Variants in ZPLD1 observed in about 807,000 individuals in gnomAD.
ZPLD1 encodes zona pellucida-like domain-containing protein 1.
A neutral mutation model predicts 47.2 loss-of-function variants in ZPLD1; 34 were observed. The observed-to-expected ratio is 0.72, with a 90% CI of 0.55 to 0.96. The LOEUF (loss-of-function observed/expected upper bound fraction) is 0.96. Among genes scored for constraint, ZPLD1 ranks in the 40% least tolerant of loss-of-function variants. The probability of loss-of-function intolerance (pLI) is 0.00; values close to 1 mark genes in which losing one functional copy is unlikely to be tolerated. For synonymous variants in ZPLD1, 176 were observed against 186.2 expected (o/e 0.95, Z 0.45); for missense variants, 512 against 505.8 (o/e 1.01, Z -0.12).
chr3:102,449,233 C>T (rs1037295605), intron 3 of ZPLD1, among the ~76,000 whole-genome samples: 35 of 152,172 alleles, frequency 2.3e-4, no homozygotes, highest in Non-Finnish European at 1.5e-5. Flanking sequence ...GAGCTAATGC[C>T]ATCTTCTCCA....
chr3:102,468,730 A>G (rs951381619), intron 8 of ZPLD1, among the ~76,000 whole-genome samples: 1 of 152,212 alleles, frequency 6.6e-6, no homozygotes, highest in Non-Finnish European at 1.5e-5. Flanking sequence ...TGAAAGTATA[A>G]TTCTTCTAAC....
At chr3:102,441,320 T>G (rs1440906253) in intron 3 of ZPLD1, among the ~76,000 whole-genome samples, 1 of 152,190 alleles carries the variant, frequency 6.6e-6, no homozygotes, top group East Asian at 1.9e-4. Flanking sequence ...TACAATGGCA[T>G]CTACTGACCA....
At chr3:102,450,295 C>T (rs907841105) in intron 3 of ZPLD1, among the ~76,000 whole-genome samples, 9 of 152,164 alleles carry the variant, frequency 5.9e-5, no homozygotes, top group Admixed American at 2.0e-4. Context: ...CTTCAGGGTA[C>T]TGCTTGAAAT....
chr3:102,474,468 T>C (rs989904607), intron 10 of ZPLD1, among the ~76,000 whole-genome samples: 12 of 152,154 alleles, frequency 7.9e-5, no homozygotes, highest in African/African-American at 2.9e-4. Context: ...ACAGACTTTG[T>C]CCTCAGGGAT....
At chr3:102,447,134 C>T (rs988132569) in intron 3 of ZPLD1, among the ~76,000 whole-genome samples, 9 of 152,076 alleles carry the variant, frequency 5.9e-5, no homozygotes, top group Admixed American at 3.9e-4. Flanking sequence ...GGCACACTCT[C>T]GGCTCACTGC....
At chr3:102,420,554 C>T (rs911038471) in intron 8 of ZPLD1, among the ~76,000 whole-genome samples, 3 of 151,824 alleles carry the variant, frequency 2.0e-5, no homozygotes, top group African/African-American at 7.2e-5. Flanking sequence ...AGATACTATA[C>T]TTTGAATTTC....
At chr3:102,442,377 A>G (rs1707194214) in intron 3 of ZPLD1, among the ~76,000 whole-genome samples, 1 of 151,622 alleles carries the variant, frequency 6.6e-6, no homozygotes, top group Admixed American at 6.6e-5. Flanking sequence ...TACAATTTTA[A>G]AATTTGTATT....
intron 10 of ZPLD1, among the ~76,000 whole-genome samples, chr3:102,472,789 C>T (rs1707704783): frequency 6.6e-6 from 1 of 152,200 alleles, no homozygotes; most frequent in Admixed American, 6.5e-5. Context: ...GGCTTTTCCT[C>T]CTTAATTACC....
chr3:102,395,007 G>A (rs111388903), intron 7 of ZPLD1, among the ~76,000 whole-genome samples: 6 of 152,258 alleles, frequency 3.9e-5, no homozygotes, highest in African/African-American at 1.4e-4. Context: ...TAGAAACTGA[G>A]TATAAACTTA....
upstream of ZPLD1, among the ~76,000 whole-genome samples, chr3:102,430,251 G>A (rs1003150706): frequency 2.6e-5 from 4 of 152,164 alleles, no homozygotes; most frequent in African/African-American, 9.7e-5. Context: ...CCTTGCTCCA[G>A]CCTTCATCTG....
intron 10 of ZPLD1, among the ~76,000 whole-genome samples, chr3:102,474,255 G>A (rs950120317): frequency 6.6e-6 from 1 of 152,128 alleles, no homozygotes; most frequent in African/African-American, 2.4e-5. Flanking sequence ...TACAATTCTG[G>A]AAATCTAAAG....
intron 8 of ZPLD1, among the ~76,000 whole-genome samples, chr3:102,428,771 A>G (rs1309062065): frequency 6.6e-6 from 1 of 151,296 alleles, no homozygotes; most frequent in Non-Finnish European, 1.5e-5. Context: ...ATATGTATAT[A>G]AAACCTTGGT....
chr3:102,404,475 A>G (rs768120002), intron 7 of ZPLD1, among the ~76,000 whole-genome samples: 4 of 152,018 alleles, frequency 2.6e-5, no homozygotes, highest in Non-Finnish European at 5.9e-5. Flanking sequence ...ATTGTCCCAG[A>G]GGACACAACC....
intron 7 of ZPLD1, among the ~76,000 whole-genome samples, chr3:102,415,134 T>A (rs935693182): frequency 6.6e-6 from 1 of 151,878 alleles, no homozygotes; most frequent in Non-Finnish European, 1.5e-5. Context: ...CAATGCTATG[T>A]GGCCTGAAAT....
At chr3:102,431,539 A>G (rs2107314655), upstream of ZPLD1, among the ~76,000 whole-genome samples, 1 of 152,336 alleles carries the variant, frequency 6.6e-6, no homozygotes, top group East Asian at 1.9e-4. Context: ...GATAAAGAAT[A>G]TAGAGCTTCA....
chr3:102,411,544 T>C (rs1287440033), intron 7 of ZPLD1, among the ~76,000 whole-genome samples: 1 of 151,782 alleles, frequency 6.6e-6, no homozygotes, highest in Non-Finnish European at 1.5e-5. Context: ...ATTGAACTTC[T>C]GGAACTGGGC....
Position 102,470,483 on chromosome 3 carries a change from T to G in ZPLD1, c.1023T>G (p.Gly341=), listed in dbSNP as rs1333295217. Residue 341 remains glycine (G), a synonymous_variant, in exon 10 of 12, where the codon GGT becomes GGG. Coordinates refer to ENST00000466937, the MANE Select transcript of ZPLD1 (RefSeq NM_001329788.2). The part of the protein sequence containing the change: ...SSSGSAVLSA[G]PIITRSDETP... ...CTGGCAGCGCGGTGCTCTCTGCTGG[T>G]CCCATCATTACTCGGAGTGGTAAGT... is the stretch of plus-strand genomic sequence containing the variant. 1 of 1,613,824 alleles carries G rather than the reference T, an allele frequency of 6.2e-7. No individual in the cohort carries two copies. The highest frequency in any genetic ancestry group is 1.3e-5 in the African/African-American group (1 of 74,870).
chr3:102,473,756 A>G (rs1707718484), intron 10 of ZPLD1, among the ~76,000 whole-genome samples: 1 of 152,172 alleles, frequency 6.6e-6, no homozygotes, highest in Non-Finnish European at 1.5e-5. Context: ...CTCAGAACTC[A>G]AGCCATATCC....
At chr3:102,387,500 T>C (rs1053331521) in intron 6 of ZPLD1, among the ~76,000 whole-genome samples, 12 of 152,188 alleles carry the variant, frequency 7.9e-5, no homozygotes, top group African/African-American at 2.7e-4. Flanking sequence ...CAGAGACCAC[T>C]ACACTCAATC....
Sources: gnomAD v4.1 joint callset for allele counts (sites outside exome capture counted in the v4.1 genomes callset) on GRCh38, gnomAD v4.1.1 for gene constraint, MANE v1.5 for transcripts, NCBI Gene and HGNC (gene_info 2026-07-23, HGNC 2026-07-21) for gene names.